The following PPFIBP2 variants were observed in gnomAD, a reference collection of about 807,000 sequenced individuals.
The protein encoded by PPFIBP2 is liprin-beta-2.
In PPFIBP2, 118 loss-of-function variants were observed where a neutral mutation model predicts 118.3. That is an observed-to-expected ratio of 1.00 (90% CI 0.86 to 1.16). The LOEUF (loss-of-function observed/expected upper bound fraction) is 1.16. Among genes scored for constraint, PPFIBP2 ranks in the 50% most tolerant of loss-of-function variants. The pLI is 0.00. For synonymous variants in PPFIBP2, 414 were observed against 397.4 expected (o/e 1.04, Z -0.50); for missense variants, 1,195 against 1,073.1 (o/e 1.11, Z -1.59).
intron 1 of PPFIBP2, among the ~76,000 whole-genome samples, chr11:7,543,056 G>A (rs1174558810): frequency 6.6e-6 from 1 of 152,180 alleles, no homozygotes; most frequent in African/African-American, 2.4e-5. Flanking sequence ...TTGCCCTTTA[G>A]GAAGAAAGTA....
At chr11:7,573,416 T>C (rs1564988801) in intron 3 of PPFIBP2, among the ~76,000 whole-genome samples, 2 of 152,254 alleles carry the variant, frequency 1.3e-5, no homozygotes, top group South Asian at 2.1e-4. Flanking sequence ...GAAAATAATA[T>C]AAAATTCACA....
At chr11:7,535,783 A>T (rs1257433721) in intron 1 of PPFIBP2, among the ~76,000 whole-genome samples, 1 of 152,178 alleles carries the variant, frequency 6.6e-6, no homozygotes, top group Non-Finnish European at 1.5e-5. Flanking sequence ...GGTTCTGAAT[A>T]CCTGAACACA....
chr11:7,568,789 G>C (rs1469511129), intron 3 of PPFIBP2: 1 of 152,188 alleles, frequency 6.6e-6, no homozygotes, highest in East Asian at 1.9e-4. Context: ...CTAAGGAAAA[G>C]GATCTGATTG....
chr11:7,634,923 G>T (rs1177145675), intron 13 of PPFIBP2, among the ~76,000 whole-genome samples: 1 of 152,136 alleles, frequency 6.6e-6, no homozygotes, highest in African/African-American at 2.4e-5. Context: ...TATCCCTGGG[G>T]CACTTGGGGA....
intron 10 of PPFIBP2, among the ~76,000 whole-genome samples, chr11:7,630,688 T>C (rs1017202861): frequency 1.3e-5 from 2 of 150,234 alleles, no homozygotes; most frequent in Non-Finnish European, 2.9e-5. Context: ...AGTGAGAGGT[T>C]TGGAGGCAGG....
At chr11:7,655,226 G>C (rs549224964), downstream of PPFIBP2, among the ~76,000 whole-genome samples, 8 of 152,260 alleles carry the variant, frequency 5.3e-5, no homozygotes, top group East Asian at 1.4e-3. Context: ...ATGCAGTGTG[G>C]GACATTGATG....
At chr11:7,655,558 G>A (rs1209262490), downstream of PPFIBP2, 5 of 1,201,124 alleles carry the variant, frequency 4.2e-6, no homozygotes, top group Middle Eastern at 2.2e-4. Flanking sequence ...AGTGAGTTTG[G>A]TGTGGTGTGG....
At chr11:7,579,067 A>G (rs1856873571) in intron 3 of PPFIBP2, among the ~76,000 whole-genome samples, 1 of 152,038 alleles carries the variant, frequency 6.6e-6, no homozygotes, top group Admixed American at 6.6e-5. Flanking sequence ...TTTGTATTTT[A>G]AGAAAATTAC....
chr11:7,642,523 G>C (rs967153138), intron 17 of PPFIBP2, 97 bp downstream of exon 17: 1 of 1,376,410 alleles, frequency 7.3e-7, no homozygotes, highest in Non-Finnish European at 9.8e-7. Context: ...TGTGTTTTGC[G>C]GAAACCCCTT....
At chr11:7,530,112 G>A (rs572488143) in intron 1 of PPFIBP2, among the ~76,000 whole-genome samples, 1 of 152,312 alleles carries the variant, frequency 6.6e-6, no homozygotes, top group Admixed American at 6.5e-5. Context: ...TCCATCTTCT[G>A]GAATAGTACA....
At chr11:7,604,127 T>C (rs758384705) in intron 5 of PPFIBP2, among the ~76,000 whole-genome samples, 5 of 151,966 alleles carry the variant, frequency 3.3e-5, no homozygotes, top group South Asian at 2.1e-4. Context: ...TGGGTGAGAA[T>C]GAGATTAAGG....
At chr11:7,609,156 G>A (rs1000888614) in intron 5 of PPFIBP2, among the ~76,000 whole-genome samples, 5 of 151,274 alleles carry the variant, frequency 3.3e-5, no homozygotes, top group East Asian at 3.8e-4. Flanking sequence ...TTTCTGTCCC[G>A]TGTGGTTTGA....
the PPFIBP2 span, among the ~76,000 whole-genome samples, chr11:7,664,314 A>AAAC: frequency 6.6e-6 from 1 of 152,170 alleles, no homozygotes; most frequent in East Asian, 1.9e-4. Context: ...GACAGACTTG[A>AAAC]AACAGCCCAG....
chr11:7,597,492 G>A (rs535866639), intron 4 of PPFIBP2, 68 bp from the exon 5 acceptor site: 2 of 1,529,884 alleles, frequency 1.3e-6, no homozygotes, highest in Admixed American at 1.9e-5. Context: ...GCTCCCCTGA[G>A]GTGGGGAGGC....
chr11:7,660,426 T>C (rs1854865851), downstream of PPFIBP2, among the ~76,000 whole-genome samples: 1 of 142,250 alleles, frequency 7.0e-6, no homozygotes, highest in Non-Finnish European at 1.6e-5. Context: ...TGTCCTTGGC[T>C]CTGTTTATAT....
Position 7,639,812 on chromosome 11 carries a change from C to G in PPFIBP2, c.1317C>G (p.Ala439=). ...LSGATPNGEA[A]KSPPTICQPD... is the part of the protein sequence containing the mutation. ...GAGCCACGCCCAATGGAGAGGCTGCCAAATCTCCTCCCACCATCTGCCAGC... is the reference window on the plus strand; with the variant it reads ...GAGCCACGCCCAATGGAGAGGCTGCGAAATCTCCTCCCACCATCTGCCAGC... Residue 439 remains alanine, a synonymous_variant, in exon 15 of 24, where the codon GCC becomes GCG. Coordinates refer to ENST00000299492, the MANE Select transcript of PPFIBP2 (RefSeq NM_003621.5). 6.2e-7 allele frequency: 1 copy of G among 1,613,806 alleles called. No homozygotes were observed. Among genetic ancestry groups the G allele is most frequent in the Non-Finnish European group, 8.5e-7 (1 of 1,179,890 alleles).
chr11:7,641,803 AC>A (rs1195104728), intron 16 of PPFIBP2, 183 bp downstream of exon 16: 2 of 663,982 alleles, frequency 3.0e-6, no homozygotes, highest in Non-Finnish European at 5.1e-6. Context: ...TATGAAAGAC[AC>A]CCATTGAATA....
Position 7,567,733 on chromosome 11 carries a change from CTCA to C in PPFIBP2, c.279+1970_279+1972del, listed in dbSNP as rs139001719. ...AATAGAATTCAGACTGGTGAGCAAA[CTCA>C]TCAAGTGCTTTAGATTGACACTTTT... On this transcript the variant is annotated intron_variant, in intron 3 of 23. Transcript: ENST00000299492. Among the ~76,000 whole-genome samples the C allele has an allele frequency of 8.5e-3, 1,290 of 152,314 alleles. 17 individuals carry two copies. The highest frequency in any genetic ancestry group is 0.03 in the African/African-American group (1,236 of 41,576).
At chr11:7,572,960 C>T (rs1248002868) in intron 3 of PPFIBP2, among the ~76,000 whole-genome samples, 4 of 152,048 alleles carry the variant, frequency 2.6e-5, no homozygotes, top group East Asian at 3.9e-4. Context: ...TTGTATTTTT[C>T]GTAGAGACGG....
Sources: gnomAD v4.1 joint callset for allele counts (sites outside exome capture counted in the v4.1 genomes callset) on GRCh38, gnomAD v4.1.1 for gene constraint, MANE v1.5 for transcripts, NCBI Gene and HGNC (gene_info 2026-07-23, HGNC 2026-07-21) for gene names.